Variants in USP7 observed in about 807,000 individuals in gnomAD.
USP7 encodes the protein ubiquitin specific peptidase 7, also known as ubiquitin C-terminal hydrolase 7.
USP7 carries 9 observed loss-of-function variants against 162.9 expected under a neutral mutation model. The observed-to-expected ratio is 0.06, with a 90% CI of 0.03 to 0.10. The LOEUF is 0.10. USP7 is among the 10% of genes least tolerant of loss of function. USP7 has a pLI of 1.00. For missense variants in USP7, 715 were observed against 1,373.7 expected (o/e 0.52, Z 7.58); for synonymous variants, 562 against 475.9 (o/e 1.18, Z -2.35).
chr16:8,926,659 G>A (rs558400644), intron 2 of USP7, among the ~76,000 whole-genome samples: 1 of 152,146 alleles, frequency 6.6e-6, no homozygotes, highest in African/African-American at 2.4e-5. Flanking sequence ...TTATTTTTTT[G>A]CAACTTCCAA....
At chr16:8,928,038 TAAGGA>T (rs1898108798) in intron 2 of USP7, among the ~76,000 whole-genome samples, 2 of 152,146 alleles carry the variant, frequency 1.3e-5, no homozygotes. Context: ...AAATAGTGAA[TAAGGA>T]ACTAAAAGTA....
chr16:8,938,397 G>T (rs959966481), intron 1 of USP7, among the ~76,000 whole-genome samples: 1 of 151,868 alleles, frequency 6.6e-6, no homozygotes, highest in Non-Finnish European at 1.5e-5. Context: ...CACATCTGTG[G>T]ATTCAACAAA....
intron 1 of USP7, among the ~76,000 whole-genome samples, chr16:8,954,266 A>G (rs938955044): frequency 3.3e-5 from 5 of 151,526 alleles, no homozygotes; most frequent in Admixed American, 6.6e-5. Flanking sequence ...TGCCACTGGA[A>G]GCAGAGGCTT....
At chr16:8,949,057 T>C (rs1011993093) in intron 1 of USP7, among the ~76,000 whole-genome samples, 2 of 152,250 alleles carry the variant, frequency 1.3e-5, no homozygotes, top group African/African-American at 4.8e-5. Context: ...GGATTTCCTT[T>C]TGTGGTGATG....
chr16:8,923,289 T>C lies in USP7; in HGVS notation c.309A>G (p.Pro103=), dbSNP rs770902494. The change falls in exon 3 of 31, where the codon CCA becomes CCG. Residue 103 remains proline (P), a synonymous_variant. Coordinates refer to ENST00000344836, the MANE Select transcript of USP7 (RefSeq NM_003470.3). ...RNLPWKIMVM[P]RFYPDRPHQK... ...GGTGTGGTCTGTCTGGATAAAAGCG[T>C]GGCATCACCATAATCTTCCATGGCA... 1 of 1,550,380 alleles carries C rather than the reference T, an allele frequency of 6.5e-7. No homozygotes were observed. The highest frequency in any genetic ancestry group is 8.7e-7 in the Non-Finnish European group (1 of 1,149,254).
intron 1 of USP7, chr16:8,936,658 T>C (rs1596400567): frequency 6.5e-7 from 1 of 1,548,750 alleles, no homozygotes; most frequent in Non-Finnish European, 8.7e-7. Flanking sequence ...ATGGGGGAGG[T>C]TCTCTCACCC....
intron 11 of USP7, among the ~76,000 whole-genome samples, chr16:8,910,093 T>A (rs897706090): frequency 2.0e-5 from 3 of 152,202 alleles, no homozygotes; most frequent in Non-Finnish European, 4.4e-5. Context: ...CTGACATTTT[T>A]AATTATAAAT....
chr16:8,909,613 A>T lies in USP7; in HGVS notation c.1161+1132T>A, dbSNP rs192569951. Among the ~76,000 whole-genome samples, 165 of 152,358 alleles carry T rather than the reference A, an allele frequency of 1.1e-3. 1 individual carries two copies. Among genetic ancestry groups the T allele is most frequent in the African/African-American group, 3.8e-3 (157 of 41,580 alleles). On this transcript the variant is annotated intron_variant, in intron 11 of 30. Transcript: ENST00000344836. ...CGTCAACAGACCAGAATATTTCTTC[A>T]TCACACCAAGTTCTCATTAAAAAGC...
chr16:8,920,827 T>G (rs1203673359), intron 4 of USP7, among the ~76,000 whole-genome samples: 4 of 152,182 alleles, frequency 2.6e-5, no homozygotes, highest in Admixed American at 6.5e-5. Flanking sequence ...GCAGCCAAAG[T>G]GAACTGAATG....
At chr16:8,936,675 G>C (rs1328012078) in intron 1 of USP7, 2 of 1,532,190 alleles carry the variant, frequency 1.3e-6, no homozygotes, top group Non-Finnish European at 1.7e-6. Context: ...ACCCACATCA[G>C]AGTGACTGCA....
chr16:8,923,469 G>T, intron 2 of USP7, 56 bp from the exon 3 acceptor site: 1 of 1,574,108 alleles, frequency 6.4e-7, no homozygotes, highest in Non-Finnish European at 8.7e-7. Flanking sequence ...AAAAGCACTA[G>T]CATTAATCGA....
chr16:8,936,667 C>T (rs763660833), intron 1 of USP7: 109 of 1,544,158 alleles, frequency 7.1e-5, no homozygotes, highest in Non-Finnish European at 8.9e-5. Context: ...GTTCTCTCAC[C>T]CACATCAGAG....
intron 1 of USP7, among the ~76,000 whole-genome samples, chr16:8,947,888 C>T (rs1033164611): frequency 2.6e-5 from 4 of 152,146 alleles, no homozygotes; most frequent in South Asian, 2.1e-4. Flanking sequence ...GTGTGCAATT[C>T]GGAAGGTGGG....
chr16:8,903,174 C>G, intron 16 of USP7, 94 bp downstream of exon 16: 1 of 1,508,050 alleles, frequency 6.6e-7, no homozygotes, highest in Non-Finnish European at 9.0e-7. Flanking sequence ...GACACAGCAC[C>G]TACCCCCAAA....
At chr16:8,918,896 G>C in intron 6 of USP7, 135 bp downstream of exon 6, 1 of 830,028 alleles carries the variant, frequency 1.2e-6, no homozygotes, top group Non-Finnish European at 2.0e-6. Context: ...TGAAAACGCA[G>C]CATGAACTAG....
At chr16:8,902,859 A>G (rs1401297441) in intron 16 of USP7, among the ~76,000 whole-genome samples, 1 of 152,190 alleles carries the variant, frequency 6.6e-6, no homozygotes, top group Non-Finnish European at 1.5e-5. Context: ...CTGGGCAACA[A>G]GAGTGAAACT....
chr16:8,932,602 A>G (rs951137314), intron 1 of USP7, among the ~76,000 whole-genome samples: 15 of 128,396 alleles, frequency 1.2e-4, no homozygotes, highest in African/African-American at 2.8e-4. Flanking sequence ...AATCAAATAT[A>G]CATGCTAAAT....
chr16:8,916,070 C>T (rs113978907), intron 8 of USP7, among the ~76,000 whole-genome samples: 226 of 152,262 alleles, frequency 1.5e-3, no homozygotes, highest in African/African-American at 4.3e-3. Context: ...TTAGTGATGG[C>T]GCGGGGAGAG....
At chr16:8,917,903 C>A (rs1897462842) in intron 6 of USP7, among the ~76,000 whole-genome samples, 1 of 152,160 alleles carries the variant, frequency 6.6e-6, no homozygotes, top group Admixed American at 6.5e-5. Flanking sequence ...CATTCTCCTG[C>A]CTCAGCCTCC....
Sources: allele counts gnomAD v4.1 joint callset (sites outside exome capture counted in the v4.1 genomes callset), GRCh38; gene constraint gnomAD v4.1.1; transcripts MANE v1.5; gene names NCBI Gene and HGNC (gene_info 2026-07-23, HGNC 2026-07-21).